FAM217B: variants seen among roughly 807,000 people sequenced by gnomAD.
The protein encoded by FAM217B is family with sequence similarity 217 member B, also known as protein FAM217B.
For synonymous variants in FAM217B, 163 were observed against 173.0 expected, an observed-to-expected ratio of 0.94 and a Z score of 0.45; for missense variants, 463 against 456.9, an observed-to-expected ratio of 1.01 and a Z score of -0.12.
At chr20:59,941,937 A>G (rs2074938310) in intron 1 of FAM217B, among the ~76,000 whole-genome samples, 1 of 152,206 alleles carries the variant, frequency 6.6e-6, no homozygotes, top group Admixed American at 6.5e-5. Context: ...GATGGAATCC[A>G]TTCACAGTAT....
chr20:59,939,954 T>A (rs1173968972), upstream of FAM217B: 2 of 1,260,322 alleles, frequency 1.6e-6, no homozygotes, highest in East Asian at 6.2e-5. Flanking sequence ...CGTCGGAAGA[T>A]GAGGCAGGGA....
chr20:59,939,455 GAA>G, upstream of FAM217B: 3 of 1,611,872 alleles, frequency 1.9e-6, no homozygotes, highest in Non-Finnish European at 2.5e-6. Flanking sequence ...CGGGCGGCGG[GAA>G]ATCGGGCACC....
chr20:59,939,968 G>C, upstream of FAM217B: 4 of 1,257,764 alleles, frequency 3.2e-6, no homozygotes, highest in Admixed American at 3.8e-5. Context: ...GCAGGGATGA[G>C]AGACGACCTC....
rs182019792 is a variant in FAM217B at position 59,944,904 on chromosome 20, G to A, written c.961G>A (p.Gly321Ser). 47 of 1,614,136 alleles carry A rather than the reference G, an allele frequency of 2.9e-5. No individual in the cohort carries two copies. The highest frequency in any genetic ancestry group is 2.5e-4 in the East Asian group (11 of 44,880). ...SGSSSKVETS[G>S]HIRVPKQAAV... ...AAGCAGCTCTAAGGTGGAAACCAGC[G>A]GTCACATTCGAGTTCCCAAACAGGC... The change falls in exon 4 of 4, where the codon GGT becomes AGT. Residue 321 changes from glycine to serine, a missense_variant. Coordinates refer to ENST00000360816, the MANE Select transcript of FAM217B (RefSeq NM_022106.3).
At chr20:59,939,229 C>T (rs781512014), upstream of FAM217B, 1 of 1,611,062 alleles carries the variant, frequency 6.2e-7, no homozygotes, top group Non-Finnish European at 8.5e-7. Flanking sequence ...AAGGTGAAAA[C>T]GTCCTCCGTG....
At chr20:59,943,625 C>T (rs1023533088) in intron 3 of FAM217B, among the ~76,000 whole-genome samples, 2 of 151,582 alleles carry the variant, frequency 1.3e-5, no homozygotes, top group Non-Finnish European at 1.5e-5. Flanking sequence ...TTTTAAAGTA[C>T]ACACGAAAGT....
chr20:59,936,636 CACAT>C (rs2060863956), upstream of FAM217B: 1 of 152,184 alleles, frequency 6.6e-6, no homozygotes, highest in East Asian at 1.9e-4. Context: ...TTCTCAAAGA[CACAT>C]ACAACAACTC....
intron 1 of FAM217B, among the ~76,000 whole-genome samples, chr20:59,934,199 T>TGGGTGC (rs1285870674): frequency 2.6e-5 from 4 of 152,134 alleles, no homozygotes; most frequent in Non-Finnish European, 5.9e-5. Flanking sequence ...CCTGGGCTCC[T>TGGGTGC]GGGTGCGGGT....
chr20:59,945,151 C>A lies in FAM217B; in HGVS notation c.*56C>A. 1 of 1,383,304 alleles carries A rather than the reference C, an allele frequency of 7.2e-7. No homozygotes were observed. Among genetic ancestry groups the A allele is most frequent in the Non-Finnish European group, 9.6e-7 (1 of 1,036,500 alleles). The allele number at this position is 1,383,304 out of a possible 1,614,324, so 85.7% of individuals were successfully genotyped here. A position where few individuals can be genotyped will look rare whatever the true frequency, so the allele number is the denominator to read the frequency against. On this transcript the variant is annotated 3_prime_UTR_variant, in exon 4 of 4. Coordinates refer to ENST00000360816, the MANE Select transcript of FAM217B (RefSeq NM_022106.3). ...CAGGTACCTCAATGTTAGAGCGCTTCCAAAAGTCAAAATACTGTGAATTTT... is the reference window on the plus strand; with the variant it reads ...CAGGTACCTCAATGTTAGAGCGCTTACAAAAGTCAAAATACTGTGAATTTT...
At chr20:59,940,840 C>T (rs1023746068) in intron 1 of FAM217B, among the ~76,000 whole-genome samples, 8 of 152,156 alleles carry the variant, frequency 5.3e-5, no homozygotes, top group Non-Finnish European at 1.0e-4. Context: ...CTTTGCCGCA[C>T]CGAATGGCCA....
rs1230023755 is a variant in FAM217B, at chr20:59,946,248, G to C, written c.*1153G>C. ...CACTGCAGTTAAATAACATCTTCTT[G>C]TTCCTATAGTTGTGCTGTGAGTTTT... On this transcript the variant is annotated 3_prime_UTR_variant, in exon 4 of 4. Transcript: ENST00000360816. 1 of 166,932 alleles carries C rather than the reference G, an allele frequency of 6.0e-6. No individual in the cohort carries two copies. The highest frequency in any genetic ancestry group is 6.5e-5 in the Admixed American group (1 of 15,276). 10.3% of individuals were successfully genotyped at this position (166,932 alleles called of 1,614,324 possible). A position where few individuals can be genotyped will look rare whatever the true frequency, so the allele number is the denominator to read the frequency against.
Position 59,944,925 on chromosome 20 carries a change from C to G in FAM217B, c.982C>G (p.Gln328Glu). ...CAGCGGTCACATTCGAGTTCCCAAA[C>G]AGGCAGCTGTGATTCTGGACTCAGC... ...ETSGHIRVPK[Q>E]AAVILDSADS... The change falls in exon 4 of 4, where the codon CAG (glutamine) becomes GAG (glutamate). Residue 328 changes from glutamine (Q) to glutamate (E), a missense_variant. Coordinates refer to ENST00000360816, the MANE Select transcript of FAM217B (RefSeq NM_022106.3). 6.2e-7 allele frequency: 1 copy of G among 1,614,174 alleles called. No homozygotes were observed. Among genetic ancestry groups the G allele is most frequent in the Non-Finnish European group, 8.5e-7 (1 of 1,180,038 alleles).
At chr20:59,941,466 T>A (rs1030354035) in intron 1 of FAM217B, among the ~76,000 whole-genome samples, 1 of 152,198 alleles carries the variant, frequency 6.6e-6, no homozygotes, top group East Asian at 1.9e-4. Flanking sequence ...AAAATAAAAA[T>A]CTTCTATAAT....
At chr20:59,940,104 T>A (rs1418170892), upstream of FAM217B, 5 of 442,892 alleles carry the variant, frequency 1.1e-5, no homozygotes, top group Non-Finnish European at 2.0e-5. Context: ...CCTCGAGTCC[T>A]TGTCCAGGTC....
At chr20:59,940,739 T>C (rs117362903) in intron 1 of FAM217B, among the ~76,000 whole-genome samples, 1,770 of 152,280 alleles carry the variant, frequency 0.012, 21 homozygotes, top group Middle Eastern at 0.034. Context: ...GCCCACACTT[T>C]GGACAGGTTC....
chr20:59,938,963 G>C, upstream of FAM217B: 1 of 1,400,380 alleles, frequency 7.1e-7, no homozygotes, highest in East Asian at 2.5e-5. Context: ...AGATGTGAGA[G>C]CCCAGCAGGG....
In FAM217B at chr20:59,946,189, C is replaced by T. The variant is rs1322906589; in HGVS notation, c.*1094C>T. 6.0e-6 allele frequency: 1 copy of T among 167,036 alleles called. No individual in the cohort carries two copies. Among genetic ancestry groups the T allele is most frequent in the African/African-American group, 2.4e-5 (1 of 41,428 alleles). 10.3% of individuals were successfully genotyped at this position (167,036 alleles called of 1,614,324 possible). A position where few individuals can be genotyped will look rare whatever the true frequency, so the allele number is the denominator to read the frequency against. On this transcript the variant is annotated 3_prime_UTR_variant, in exon 4 of 4. Transcript: ENST00000360816. ...ATTCTAAACTCGCTTATCTGGTCTTCAGGCTTCCCAACTCTCTCCAAGCCT... is the reference window on the plus strand; with the variant it reads ...ATTCTAAACTCGCTTATCTGGTCTTTAGGCTTCCCAACTCTCTCCAAGCCT...
intron 1 of FAM217B, among the ~76,000 whole-genome samples, chr20:59,941,212 T>C (rs530874448): frequency 2.6e-5 from 4 of 152,306 alleles, no homozygotes; most frequent in African/African-American, 7.2e-5. Flanking sequence ...GAGAGCAGTT[T>C]GGGGCCAGCC....
At chr20:59,934,783 T>TA (rs1275344353) in intron 1 of FAM217B, among the ~76,000 whole-genome samples, 3 of 152,222 alleles carry the variant, frequency 2.0e-5, no homozygotes, top group African/African-American at 7.2e-5. Flanking sequence ...GATTAAGATT[T>TA]AAATGTGCGG....
Sources: gnomAD v4.1 joint callset for allele counts (sites outside exome capture counted in the v4.1 genomes callset) on GRCh38, gnomAD v4.1.1 for gene constraint, MANE v1.5 for transcripts, NCBI Gene and HGNC (gene_info 2026-07-23, HGNC 2026-07-21) for gene names.